Variants in NDUFAF5 observed in about 807,000 individuals in gnomAD.
NDUFAF5 encodes arginine-hydroxylase NDUFAF5, mitochondrial.
Under a neutral mutation model 48.9 loss-of-function variants are expected in NDUFAF5, and 34 were observed. The observed-to-expected ratio is 0.70, with a 90% CI of 0.53 to 0.93. NDUFAF5 has a LOEUF of 0.93. Among genes scored for constraint, NDUFAF5 ranks in the 40% least tolerant of loss-of-function variants. The probability of loss-of-function intolerance (pLI) is 0.00; values close to 1 mark genes in which losing one functional copy is unlikely to be tolerated. For synonymous variants in NDUFAF5, 153 were observed against 150.6 expected (o/e 1.02, Z -0.12); for missense variants, 428 against 427.5 (o/e 1.00, Z -0.01).
intron 1 of NDUFAF5, 143 bp downstream of exon 1, chr20:13,785,433 T>A: frequency 1.5e-6 from 1 of 677,272 alleles, no homozygotes; most frequent in Non-Finnish European, 2.5e-6. Context: ...GCCTCTACTG[T>A]AATCACGCAA....
At chr20:13,808,244 A>G (rs1047946616) in intron 7 of NDUFAF5, among the ~76,000 whole-genome samples, 2 of 152,142 alleles carry the variant, frequency 1.3e-5, no homozygotes, top group Admixed American at 6.5e-5. Context: ...GAGCACCTGG[A>G]TATTTGGGGA....
rs755887764 is a variant in NDUFAF5 at position 13,785,189 on chromosome 20, C to T, written c.121C>T (p.Pro41Ser). ...TGTCTCTCCCCGCGGTAGCACCTCG[C>T]CCAGAACCCTGAATATTTTCGACCG... ...SGVSPRGSTS[P>S]RTLNIFDRDL... is the part of the protein sequence containing the mutation. Residue 41 changes from proline to serine, a missense_variant, in exon 1 of 11, where the codon CCC becomes TCC. Coordinates refer to ENST00000378106, the MANE Select transcript of NDUFAF5 (RefSeq NM_024120.5). The T allele has an allele frequency of 2.5e-6, 4 of 1,613,840 alleles. No homozygotes were observed. Among genetic ancestry groups the T allele is most frequent in the Non-Finnish European group, 3.4e-6 (4 of 1,179,900 alleles).
intron 7 of NDUFAF5, among the ~76,000 whole-genome samples, chr20:13,805,559 T>A (rs1029537447): frequency 3.3e-5 from 5 of 152,194 alleles, no homozygotes; most frequent in African/African-American, 1.2e-4. Context: ...GCTGATTTAA[T>A]AAGAAAGTTA....
Position 13,794,946 on chromosome 20 carries a change from G to A in NDUFAF5, c.479+5G>A, listed in dbSNP as rs367847398. 116 of 1,573,330 alleles carry A rather than the reference G, an allele frequency of 7.4e-5. No homozygotes were observed. Among genetic ancestry groups the A allele is most frequent in the Non-Finnish European group, 9.4e-5 (108 of 1,143,084 alleles). On this transcript the variant is annotated splice_donor_5th_base_variant and intron_variant, in intron 5 of 10. Transcript: ENST00000378106. Reference sequence around the variant, plus strand: ...CCTGGTGGTTAGCAGTTTAAGGTTGGTAATCCACTTTTTAAAAACCATATG... The same window carrying A: ...CCTGGTGGTTAGCAGTTTAAGGTTGATAATCCACTTTTTAAAAACCATATG...
rs780657952 is a variant in NDUFAF5 at position 13,785,111 on chromosome 20, T to C, written c.43T>C (p.Trp15Arg). ...GCTCTGGCGCTTATGTCGGCGACCT[T>C]GGGCGGCGAGGGTCCCAGCGGAGAA... is the stretch of plus-strand genomic sequence containing the variant. ...AGLWRLCRRP[W>R]AARVPAENLG... The change falls in exon 1 of 11, where the codon TGG becomes CGG. Residue 15 changes from tryptophan to arginine, a missense_variant. By Grantham distance (101) the Trp-to-Arg change is moderately radical. Transcript: ENST00000378106. 6.2e-7 allele frequency: 1 copy of C among 1,613,626 alleles called. No homozygotes were observed. Among genetic ancestry groups the C allele is most frequent in the Non-Finnish European group, 8.5e-7 (1 of 1,179,938 alleles).
chr20:13,789,920 C>A (rs1981989850), intron 3 of NDUFAF5, among the ~76,000 whole-genome samples: 1 of 152,010 alleles, frequency 6.6e-6, no homozygotes, highest in Non-Finnish European at 1.5e-5. Flanking sequence ...TAAAGTGCAA[C>A]AGGAATTAGG....
At chr20:13,815,812 A>G (rs1328728334) in intron 8 of NDUFAF5, among the ~76,000 whole-genome samples, 1 of 152,238 alleles carries the variant, frequency 6.6e-6, no homozygotes, top group African/African-American at 2.4e-5. Context: ...AATATACAAC[A>G]TTAATCTTAA....
intron 4 of NDUFAF5, among the ~76,000 whole-genome samples, chr20:13,793,710 A>G (rs990488827): frequency 2.0e-5 from 3 of 152,220 alleles, no homozygotes; most frequent in African/African-American, 4.8e-5. Context: ...GTGAAGCCAC[A>G]TTGTATGTTT....
At chr20:13,814,591 TA>T (rs1986248807) in intron 8 of NDUFAF5, 1 of 746,074 alleles carries the variant, frequency 1.3e-6, no homozygotes, top group South Asian at 1.5e-5. Flanking sequence ...TTATTTTTGA[TA>T]AGCAGTTGAA....
chr20:13,800,362 T>C (rs781559147), intron 6 of NDUFAF5, among the ~76,000 whole-genome samples: 2 of 152,232 alleles, frequency 1.3e-5, no homozygotes, highest in Non-Finnish European at 2.9e-5. Flanking sequence ...CTTCATGACA[T>C]ATTAAATATA....
chr20:13,805,926 C>A (rs1375777183), intron 7 of NDUFAF5, among the ~76,000 whole-genome samples: 3 of 151,394 alleles, frequency 2.0e-5, no homozygotes, highest in Non-Finnish European at 4.4e-5. Context: ...GATCCTGTCT[C>A]CAAAAAAAAT....
At chr20:13,786,122 C>T (rs562889202) in intron 1 of NDUFAF5, among the ~76,000 whole-genome samples, 6 of 152,160 alleles carry the variant, frequency 3.9e-5, no homozygotes, top group African/African-American at 7.2e-5. Flanking sequence ...TTTCAGGACA[C>T]GCATTCTCAA....
At chr20:13,794,509 A>G (rs1171897726) in intron 4 of NDUFAF5, among the ~76,000 whole-genome samples, 1 of 152,136 alleles carries the variant, frequency 6.6e-6, no homozygotes, top group Non-Finnish European at 1.5e-5. Context: ...CGAACTCCTG[A>G]CTTTCAGTGA....
chr20:13,805,850 C>G (rs1984926810), intron 7 of NDUFAF5, among the ~76,000 whole-genome samples: 1 of 151,982 alleles, frequency 6.6e-6, no homozygotes. Flanking sequence ...AGGATTGAGC[C>G]TGGGACGTTG....
intron 8 of NDUFAF5, among the ~76,000 whole-genome samples, chr20:13,812,221 ACT>A (rs1464095033): frequency 2.6e-5 from 4 of 152,092 alleles, no homozygotes; most frequent in Admixed American, 6.6e-5. Context: ...AGCTTCTGTC[ACT>A]CTGCAAACGG....
At position 13,818,604 on chromosome 20, in the gene NDUFAF5, C is replaced by T. The variant is rs537751842; in HGVS notation, c.*1394C>T. 162 of 210,624 alleles carry T rather than the reference C, an allele frequency of 7.7e-4. 1 individual carries two copies. Among genetic ancestry groups the T allele is most frequent in the South Asian group, 1.3e-3 (18 of 14,118 alleles). The allele number at this position is 210,624 out of a possible 1,614,324, so 13.0% of individuals were successfully genotyped here. ...AGGCTGCAGTGAGCTGTCTGTGCCA[C>T]GGCACTCCAACCTGGGCAAAAGAGG... is the stretch of plus-strand genomic sequence containing the variant. On this transcript the variant is annotated 3_prime_UTR_variant, in exon 11 of 11. Transcript: ENST00000378106.
At chr20:13,785,749 A>C (rs1390252087) in intron 1 of NDUFAF5, among the ~76,000 whole-genome samples, 2 of 152,244 alleles carry the variant, frequency 1.3e-5, no homozygotes, top group Non-Finnish European at 2.9e-5. Context: ...ATAGTGACTT[A>C]GTATGAAAAA....
chr20:13,788,721 T>G, intron 3 of NDUFAF5, 69 bp downstream of exon 3: 1 of 1,023,822 alleles, frequency 9.8e-7, no homozygotes, highest in Non-Finnish European at 1.5e-6. Flanking sequence ...AAGACTTTCC[T>G]AATCAGTTTA....
intron 3 of NDUFAF5, among the ~76,000 whole-genome samples, chr20:13,791,738 A>G (rs1019765812): frequency 2.0e-5 from 3 of 152,210 alleles, no homozygotes; most frequent in Admixed American, 6.5e-5. Context: ...GAAACACCAT[A>G]ACAATGTTCC....
Sources: allele counts gnomAD v4.1 joint callset (sites outside exome capture counted in the v4.1 genomes callset), GRCh38; gene constraint gnomAD v4.1.1; transcripts MANE v1.5; gene names NCBI Gene and HGNC (gene_info 2026-07-23, HGNC 2026-07-21).